Variants in EYS observed in about 807,000 individuals in gnomAD.
EYS encodes protein eyes shut homolog.
A neutral mutation model predicts 282.1 loss-of-function variants in EYS; 250 were observed. That is an observed-to-expected ratio of 0.89 (90% CI 0.80 to 0.98). The LOEUF (loss-of-function observed/expected upper bound fraction) is 0.98, where lower values mean the gene tolerates loss of function less well. Among genes scored for constraint, EYS ranks in the 50% least tolerant of loss-of-function variants. The pLI is 0.00. For missense variants in EYS, 4,016 were observed against 3,709.0 expected, an observed-to-expected ratio of 1.08 and a Z score of -2.15; for synonymous variants, 1,355 against 1,282.9, an observed-to-expected ratio of 1.06 and a Z score of -1.20.
chr6:65,599,416 G>T (rs983295615), intron 2 of EYS, among the ~76,000 whole-genome samples: 3 of 151,942 alleles, frequency 2.0e-5, no homozygotes, highest in Admixed American at 1.3e-4. Context: ...ATTCACAGAG[G>T]TTATGTTCTT....
At chr6:65,424,167 T>G (rs1232624070) in intron 5 of EYS, among the ~76,000 whole-genome samples, 1 of 152,024 alleles carries the variant, frequency 6.6e-6, no homozygotes, top group East Asian at 1.9e-4. Context: ...TTTTACTTGC[T>G]TCTTTCTTGG....
At position 64,143,526 on chromosome 6, in the gene EYS, T is replaced by C. The variant is rs528191549; in HGVS notation, c.6425-61524A>G. ...ATTAAAAATAAGGTATTAAAATACA[T>C]GGCTCAGATTCTGGGAAGTAAGTTC... On this transcript the variant is annotated intron_variant, in intron 31 of 42. Coordinates refer to ENST00000503581, the MANE Select transcript of EYS (RefSeq NM_001142800.2). Among the ~76,000 whole-genome samples the C allele has an allele frequency of 2.6e-5, 4 of 152,336 alleles. No individual in the cohort carries two copies. The East Asian group carries it at 7.7e-4, about 29-fold the overall frequency.
intron 41 of EYS, among the ~76,000 whole-genome samples, chr6:63,740,485 A>T (rs1373613679): frequency 6.6e-6 from 1 of 152,168 alleles, no homozygotes; most frequent in African/African-American, 2.4e-5. Context: ...ATGAAAATGG[A>T]CTAATACAGA....
Position 64,388,782 on chromosome 6 carries a change from A to T in EYS, c.5986T>A (p.Cys1996Ser), listed in dbSNP as rs1582685869. The part of the protein sequence containing the change: ...LTILGRNTQI[C>S]ESINHVLGKP... ...CCGAGTACATGATTGATAGATTCGC[A>T]TATTTGTGTATTCCTCCCTAAAATA... The change falls in exon 29 of 43, where the codon TGC becomes AGC. Residue 1996 changes from cysteine (C) to serine (S), a missense_variant. Coordinates refer to ENST00000503581, the MANE Select transcript of EYS (RefSeq NM_001142800.2). 1 of 1,544,594 alleles carries T rather than the reference A, an allele frequency of 6.5e-7. No homozygotes were observed. The highest frequency in any genetic ancestry group is 8.7e-7 in the Non-Finnish European group (1 of 1,143,454).
intron 16 of EYS, among the ~76,000 whole-genome samples, chr6:64,907,088 T>A (rs1350774491): frequency 2.6e-5 from 4 of 152,190 alleles, no homozygotes; most frequent in African/African-American, 9.6e-5. Flanking sequence ...GGTCCTGCTC[T>A]GTTGCCTAAG....
intron 28 of EYS, among the ~76,000 whole-genome samples, chr6:64,393,941 A>G (rs1773259426): frequency 6.6e-6 from 1 of 152,028 alleles, no homozygotes; most frequent in African/African-American, 2.4e-5. Context: ...AAGTCTCAGG[A>G]TACAAAATCA....
At chr6:65,105,601 A>C (rs1441034755) in intron 12 of EYS, among the ~76,000 whole-genome samples, 1 of 151,880 alleles carries the variant, frequency 6.6e-6, no homozygotes, top group East Asian at 1.9e-4. Flanking sequence ...ACATTTGCAT[A>C]CATTTTATTA....
intron 22 of EYS, among the ~76,000 whole-genome samples, chr6:64,800,201 C>G (rs1245760300): frequency 6.6e-6 from 1 of 152,012 alleles, no homozygotes; most frequent in South Asian, 2.1e-4. Context: ...TGCAAATGTA[C>G]AGATGCCCTG....
intron 13 of EYS, among the ~76,000 whole-genome samples, chr6:65,007,657 A>AC (rs1487230099): frequency 1.3e-5 from 2 of 151,788 alleles, no homozygotes; most frequent in Non-Finnish European, 2.9e-5. Flanking sequence ...ATGAATAAGG[A>AC]CCCCCCTTCA....
intron 29 of EYS, among the ~76,000 whole-genome samples, chr6:64,330,446 A>T (rs1041389911): frequency 1.3e-5 from 2 of 152,192 alleles, no homozygotes; most frequent in East Asian, 1.9e-4. Context: ...TGGGGAAAAG[A>T]GCAGGACACG....
intron 22 of EYS, among the ~76,000 whole-genome samples, chr6:64,683,681 A>C (rs568228505): frequency 1.3e-5 from 2 of 152,220 alleles, no homozygotes; most frequent in Non-Finnish European, 2.9e-5. Context: ...TGAAAAGTGC[A>C]AATTACACAC....
intron 22 of EYS, among the ~76,000 whole-genome samples, chr6:64,775,800 T>C (rs952549244): frequency 6.6e-6 from 1 of 152,072 alleles, no homozygotes; most frequent in Non-Finnish European, 1.5e-5. Flanking sequence ...ATCACAAATA[T>C]GTAGAAAAGG....
At chr6:63,741,318 T>G (rs1769070768) in intron 41 of EYS, among the ~76,000 whole-genome samples, 1 of 152,060 alleles carries the variant, frequency 6.6e-6, no homozygotes, top group South Asian at 2.1e-4. Flanking sequence ...TACCATCTAG[T>G]AAAAAAGAAA....
At chr6:63,865,253 A>G (rs1772644211) in intron 35 of EYS, among the ~76,000 whole-genome samples, 1 of 152,138 alleles carries the variant, frequency 6.6e-6, no homozygotes, top group South Asian at 2.1e-4. Context: ...GCCTGTCCAG[A>G]GGGAAGAGCC....
At chr6:64,641,572 T>C (rs1768154083) in intron 22 of EYS, among the ~76,000 whole-genome samples, 1 of 152,156 alleles carries the variant, frequency 6.6e-6, no homozygotes. Context: ...AGAGACATTG[T>C]GGTTGGGGGT....
At chr6:64,507,789 C>A (rs932424706) in intron 26 of EYS, among the ~76,000 whole-genome samples, 22 of 152,164 alleles carry the variant, frequency 1.4e-4, no homozygotes, top group African/African-American at 5.3e-4. Flanking sequence ...CTAAGGAATT[C>A]TCTTAGGGTT....
chr6:63,798,940 AATAT>A (rs199824989), intron 37 of EYS, among the ~76,000 whole-genome samples: 1 of 140,654 alleles, frequency 7.1e-6, no homozygotes, highest in Non-Finnish European at 1.5e-5. Flanking sequence ...TTTCTTCTAA[AATAT>A]ATATATATAT....
chr6:64,385,304 G>C (rs585253), intron 29 of EYS, among the ~76,000 whole-genome samples: 110,045 of 152,068 alleles, frequency 0.72, 39,946 homozygotes, highest in African/African-American at 0.8. Context: ...GTATGTCTCA[G>C]ATACATATTC....
intron 36 of EYS, among the ~76,000 whole-genome samples, chr6:63,846,343 A>G (rs1017851296): frequency 2.0e-5 from 3 of 152,056 alleles, no homozygotes; most frequent in Non-Finnish European, 4.4e-5. Context: ...AGTGACAGGG[A>G]TACACTCCAA....
Sources: allele counts gnomAD v4.1 joint callset (sites outside exome capture counted in the v4.1 genomes callset), GRCh38; gene constraint gnomAD v4.1.1; transcripts MANE v1.5; gene names NCBI Gene and HGNC (gene_info 2026-07-23, HGNC 2026-07-21).